Variants in NLRP4 observed in about 807,000 individuals in gnomAD.
NLRP4 encodes NLR family pyrin domain containing 4.
A neutral mutation model predicts 84.7 loss-of-function variants in NLRP4; 44 were observed. The ratio of observed to expected loss-of-function variants is 0.52; its 90% CI spans 0.41 to 0.67. NLRP4 has a LOEUF of 0.67. Ranked by LOEUF, NLRP4 falls within the 30% of genes least tolerant of loss-of-function variation. The probability of loss-of-function intolerance (pLI) is 0.00; values close to 1 mark genes in which losing one functional copy is unlikely to be tolerated. For synonymous variants in NLRP4, 544 were observed against 476.4 expected (o/e 1.14, Z -1.85); for missense variants, 1,260 against 1,219.4 (o/e 1.03, Z -0.50).
At chr19:55,842,282 A>C (rs1259535564) in intron 1 of NLRP4, among the ~76,000 whole-genome samples, 1 of 152,160 alleles carries the variant, frequency 6.6e-6, no homozygotes, top group Non-Finnish European at 1.5e-5. Context: ...ATTCTGTGTA[A>C]TTACTAATAA....
chr19:55,866,248 G>A (rs1272943622), intron 5 of NLRP4, among the ~76,000 whole-genome samples: 1 of 152,078 alleles, frequency 6.6e-6, no homozygotes, highest in Non-Finnish European at 1.5e-5. Context: ...TGGTCAGGAT[G>A]GCCTTGATCT....
At chr19:55,863,908 C>G (rs1188689809) in intron 5 of NLRP4, among the ~76,000 whole-genome samples, 1 of 152,084 alleles carries the variant, frequency 6.6e-6, no homozygotes, top group Non-Finnish European at 1.5e-5. Context: ...TTCATTGGTA[C>G]CCACACATTC....
intron 1 of NLRP4, among the ~76,000 whole-genome samples, chr19:55,847,769 C>T (rs1473426504): frequency 6.8e-6 from 1 of 147,430 alleles, no homozygotes; most frequent in Non-Finnish European, 1.5e-5. Context: ...GGCTGGAGTG[C>T]AATGGTGCGA....
At chr19:55,857,325 A>ATATGTGTGTG (rs1555808504) in intron 2 of NLRP4, 1 of 261,700 alleles carries the variant, frequency 3.8e-6, no homozygotes, top group African/African-American at 2.3e-5. Context: ...GTAGCAATGA[A>ATATGTGTGTG]TGTGTGTGTG....
At chr19:55,837,005 C>G (rs1048655960) in intron 1 of NLRP4, 71 bp downstream of exon 1, 2 of 152,136 alleles carry the variant, frequency 1.3e-5, no homozygotes, top group African/African-American at 2.4e-5. Flanking sequence ...GCTCTCTGAC[C>G]TAGGGCAGAA....
At chr19:55,838,358 G>C (rs1337229664) in intron 1 of NLRP4, among the ~76,000 whole-genome samples, 2 of 151,710 alleles carry the variant, frequency 1.3e-5, no homozygotes, top group Admixed American at 6.6e-5. Context: ...GACAAAGTCA[G>C]AGTGAAATTA....
At position 55,842,952 on chromosome 19, in the gene NLRP4, G is replaced by A. The variant is rs574731416; in HGVS notation, c.-66+6018G>A. ...TTTTTTGTGTATTTAGTAGAGATGG[G>A]GTTTCACCGTGTTAGCCAGGATGGT... On this transcript the variant is annotated intron_variant, in intron 1 of 9. Coordinates refer to ENST00000301295, the MANE Select transcript of NLRP4 (RefSeq NM_134444.5). Among the ~76,000 whole-genome samples the A allele has an allele frequency of 3.3e-5, 5 of 151,140 alleles. No individual in the cohort carries two copies. The South Asian group carries it at 6.2e-4, about 19-fold the overall frequency.
intron 5 of NLRP4, among the ~76,000 whole-genome samples, chr19:55,867,129 ATCTC>A (rs1294486904): frequency 2.8e-5 from 4 of 145,158 alleles, no homozygotes; most frequent in African/African-American, 1.0e-4. Flanking sequence ...GAGACGGTGC[ATCTC>A]AGGTTGGCTG....
Position 55,857,983 on chromosome 19 carries a change from C to T in NLRP4, c.590C>T (p.Pro197Leu), listed in dbSNP as rs761163466. 15 of 1,613,896 alleles carry T rather than the reference C, an allele frequency of 9.3e-6. No homozygotes were observed. Among genetic ancestry groups the T allele is most frequent in the Admixed American group, 1.7e-5 (1 of 60,006 alleles). Residue 197 changes from proline to leucine, a missense_variant, in exon 3 of 10, where the codon CCG becomes CTG. Around this residue, in one of 3 missense-constraint regions of NLRP4, gnomAD observed 712 missense variants for 669.2 expected, o/e 1.06. Coordinates refer to ENST00000301295, the MANE Select transcript of NLRP4 (RefSeq NM_134444.5). ...YFCCRELRELPPTSLADLISR... is the reference protein window; with the variant it reads ...YFCCRELRELLPTSLADLISR... Reference sequence around the variant, plus strand: ...TGCTGCAGAGAACTGAGGGAGTTGCCGCCAACGAGTTTGGCTGACTTGATT... The same window carrying T: ...TGCTGCAGAGAACTGAGGGAGTTGCTGCCAACGAGTTTGGCTGACTTGATT...
rs1985400739 is a variant in NLRP4 at position 55,877,091 on chromosome 19, A to G, written c.2621A>G (p.Asn874Ser). 3.7e-6 allele frequency: 6 copies of G among 1,614,054 alleles called. No homozygotes were observed. Among genetic ancestry groups the G allele is most frequent in the East Asian group, 4.5e-5 (2 of 44,900 alleles). Reference sequence around the variant, plus strand: ...CTGAAGATTCTGCAAATTGGGTGCAATGAAATCGGAGATGTGGGTGTGCAG... The same window carrying G: ...CTGAAGATTCTGCAAATTGGGTGCAGTGAAATCGGAGATGTGGGTGTGCAG... ...QNLKILQIGC[N>S]EIGDVGVQLL... Residue 874 changes from asparagine (N) to serine (S), a missense_variant, in exon 8 of 10, where the codon AAT becomes AGT. Around this residue, in one of 3 missense-constraint regions of NLRP4, gnomAD observed 544 missense variants for 531.7 expected, o/e 1.02. Transcript: ENST00000301295.
intron 1 of NLRP4, among the ~76,000 whole-genome samples, chr19:55,849,873 G>GAATTT (rs1568657972): frequency 1.2e-5 from 1 of 86,766 alleles, no homozygotes; most frequent in African/African-American, 8.1e-5. Context: ...AATTTCCGTG[G>GAATTT]CCGCGGTGTA....
intron 6 of NLRP4, among the ~76,000 whole-genome samples, chr19:55,870,292 G>A (rs1985123664): frequency 6.6e-6 from 1 of 152,162 alleles, no homozygotes; most frequent in African/African-American, 2.4e-5. Flanking sequence ...TAGAGTATTA[G>A]CTATGCCATA....
chr19:55,857,369 C>G, intron 2 of NLRP4: 3 of 370,764 alleles, frequency 8.1e-6, no homozygotes, highest in African/African-American at 2.3e-5. Context: ...CTATTGAAAG[C>G]AGAAGTTGTC....
intron 7 of NLRP4, among the ~76,000 whole-genome samples, chr19:55,876,072 G>A (rs1199357356): frequency 6.6e-6 from 1 of 152,098 alleles, no homozygotes; most frequent in Non-Finnish European, 1.5e-5. Flanking sequence ...TGCTCTAAAT[G>A]TGTCATCTAA....
chr19:55,839,937 C>A (rs1299239888), intron 1 of NLRP4, among the ~76,000 whole-genome samples: 3 of 152,098 alleles, frequency 2.0e-5, no homozygotes, highest in Admixed American at 6.6e-5. Context: ...AATCTTATAT[C>A]CGATATTTTC....
At position 55,878,912 on chromosome 19, in the gene NLRP4, G is replaced by A; in HGVS notation, c.2815G>A (p.Val939Ile). ...GAACACCTTGGACCACACAGGGGTG[G>A]TTGTACTCTGTGAGGCCCTGAGACA... ...TLNTLDHTGV[V>I]VLCEALRHPE... The change falls in exon 9 of 10, where the codon GTT becomes ATT. Residue 939 changes from valine (V) to isoleucine (I), a missense_variant. Val to Ile is a conservative substitution (Grantham distance 29). This residue lies in a region of NLRP4 where 544 missense variants were observed against 531.7 expected (regional missense o/e 1.02). Coordinates refer to ENST00000301295, the MANE Select transcript of NLRP4 (RefSeq NM_134444.5). The A allele has an allele frequency of 6.2e-7, 1 of 1,613,948 alleles. No homozygotes were observed. The highest frequency in any genetic ancestry group is 8.5e-7 in the Non-Finnish European group (1 of 1,179,846).
At chr19:55,861,622 A>AG in intron 4 of NLRP4, 75 bp downstream of exon 4, 10 of 1,370,676 alleles carry the variant, frequency 7.3e-6, no homozygotes, top group Non-Finnish European at 1.0e-5. Flanking sequence ...CTTTCAGTCG[A>AG]GGCTAACTGC....
At chr19:55,874,711 G>A (rs982606193) in intron 7 of NLRP4, among the ~76,000 whole-genome samples, 11 of 152,046 alleles carry the variant, frequency 7.2e-5, no homozygotes, top group African/African-American at 2.4e-4. Flanking sequence ...GCTTTTTCAG[G>A]ATCAGAAGAG....
At chr19:55,871,113 G>A in intron 7 of NLRP4, 116 bp downstream of exon 7, 1 of 857,306 alleles carries the variant, frequency 1.2e-6, no homozygotes, top group Non-Finnish European at 1.8e-6. Context: ...GGCATGTGAA[G>A]GTTTAAAAAA....
Sources: allele counts gnomAD v4.1 joint callset (sites outside exome capture counted in the v4.1 genomes callset), GRCh38; gene constraint gnomAD v4.1.1; regional missense constraint gnomAD v4.1.1; transcripts MANE v1.5; gene names NCBI Gene and HGNC (gene_info 2026-07-23, HGNC 2026-07-21).